The following GALNT1 variants were observed in gnomAD, a reference collection of about 807,000 sequenced individuals.
The protein encoded by GALNT1 is GalNAc transferase 1.
Under a neutral mutation model 65.7 loss-of-function variants are expected in GALNT1, and 17 were observed. That is an observed-to-expected ratio of 0.26 (90% CI 0.18 to 0.39). The LOEUF (loss-of-function observed/expected upper bound fraction) is 0.39. GALNT1 is among the 10% of genes least tolerant of loss of function. The pLI is 1.00. For synonymous variants in GALNT1, 210 were observed against 219.7 expected (o/e 0.96, Z 0.39); for missense variants, 460 against 672.8 (o/e 0.68, Z 3.50).
chr18:35,669,231 A>T (rs200554244), intron 3 of GALNT1, among the ~76,000 whole-genome samples: 41 of 152,268 alleles, frequency 2.7e-4, no homozygotes, highest in African/African-American at 8.7e-4. Flanking sequence ...ACAGAGAGAG[A>T]CCATCTCGAA....
In GALNT1 at chr18:35,620,197, A is replaced by T. The variant is rs906031759; in HGVS notation, c.-103-34363A>T. Among the ~76,000 whole-genome samples, 4 of 152,282 alleles carry T rather than the reference A, an allele frequency of 2.6e-5. No homozygotes were observed. In the South Asian group the frequency reaches 8.3e-4, roughly 32 times the overall value. ...TTCTCAGGGTTATCTCCTGGTTGCA[A>T]AGAAGGTCCTTGCAGCTCCATCCGT... is the stretch of plus-strand genomic sequence containing the variant. On this transcript the variant is annotated intron_variant, in intron 1 of 11. Coordinates refer to ENST00000269195, the MANE Select transcript of GALNT1 (RefSeq NM_020474.4).
chr18:35,693,247 A>G (rs2047997987), intron 9 of GALNT1, among the ~76,000 whole-genome samples: 1 of 152,100 alleles, frequency 6.6e-6, no homozygotes, highest in Non-Finnish European at 1.5e-5. Context: ...GGGAAAGAGT[A>G]TTCTGGGCAC....
intron 1 of GALNT1, among the ~76,000 whole-genome samples, chr18:35,640,343 A>G (rs1291232009): frequency 6.6e-6 from 1 of 150,896 alleles, no homozygotes. Flanking sequence ...CAGCAATAAA[A>G]TACCATTTCA....
intron 1 of GALNT1, among the ~76,000 whole-genome samples, chr18:35,601,730 A>G (rs1248368688): frequency 6.6e-6 from 1 of 152,192 alleles, no homozygotes; most frequent in Non-Finnish European, 1.5e-5. Flanking sequence ...GTCCTGGAGA[A>G]TGTTCCATGT....
intron 1 of GALNT1, among the ~76,000 whole-genome samples, chr18:35,589,278 A>G (rs769896988): frequency 1.8e-4 from 27 of 152,126 alleles, no homozygotes; most frequent in African/African-American, 5.8e-4. Flanking sequence ...TGGGCTCCCT[A>G]CTTGGCCTTC....
At chr18:35,676,798 G>T (rs1052804566) in intron 3 of GALNT1, among the ~76,000 whole-genome samples, 1 of 152,178 alleles carries the variant, frequency 6.6e-6, no homozygotes, top group African/African-American at 2.4e-5. Flanking sequence ...TTCTCTGATA[G>T]GCTGTTATCT....
intron 1 of GALNT1, among the ~76,000 whole-genome samples, chr18:35,636,040 ATGGAATCAATCTTTGCC>A (rs2047084618): frequency 1.3e-5 from 2 of 152,192 alleles, no homozygotes; most frequent in South Asian, 4.1e-4. Context: ...ATTCCAGGAT[ATGGAATCAATCTTTGCC>A]GCTTTATTTA....
At chr18:35,709,436 T>TTC (rs58566456) in intron 11 of GALNT1, among the ~76,000 whole-genome samples, 188 bp from the exon 12 acceptor site, 4,998 of 148,078 alleles carry the variant, frequency 0.034, 151 homozygotes, top group African/African-American at 0.085. Context: ...ATCTACCTAC[T>TTC]TCTCTCTCTC....
intron 1 of GALNT1, among the ~76,000 whole-genome samples, chr18:35,638,725 T>TC (rs373134101): frequency 2.6e-5 from 4 of 152,164 alleles, no homozygotes; most frequent in African/African-American, 9.7e-5. Flanking sequence ...TACACATAGC[T>TC]CCCATAGACA....
At chr18:35,664,601 T>G (rs1039388577) in intron 3 of GALNT1, 1 of 152,234 alleles carries the variant, frequency 6.6e-6, no homozygotes, top group Non-Finnish European at 1.5e-5. Context: ...TTATATAGCA[T>G]TAGCATGTGC....
intron 1 of GALNT1, among the ~76,000 whole-genome samples, chr18:35,651,053 A>G: frequency 6.6e-6 from 1 of 152,328 alleles, no homozygotes; most frequent in African/African-American, 2.4e-5. Context: ...ATAAATGTCC[A>G]TGAAATCTTC....
chr18:35,707,552 C>G (rs1173032155), intron 11 of GALNT1, among the ~76,000 whole-genome samples: 1 of 152,206 alleles, frequency 6.6e-6, no homozygotes, highest in African/African-American at 2.4e-5. Flanking sequence ...GCTCACCTTC[C>G]AAGTTATGGG....
chr18:35,680,182 C>T (rs940200051), intron 4 of GALNT1, among the ~76,000 whole-genome samples: 6 of 152,146 alleles, frequency 3.9e-5, no homozygotes, highest in African/African-American at 1.4e-4. Flanking sequence ...TATCTCAGGG[C>T]CTTCAATTGT....
chr18:35,619,391 C>G (rs1360597953), intron 1 of GALNT1, among the ~76,000 whole-genome samples: 4 of 152,104 alleles, frequency 2.6e-5, no homozygotes, highest in Non-Finnish European at 4.4e-5. Flanking sequence ...TCAAAAGAAC[C>G]TTCATGCTTA....
chr18:35,686,366 A>G (rs73418885), intron 5 of GALNT1, among the ~76,000 whole-genome samples: 1,967 of 152,326 alleles, frequency 0.013, 42 homozygotes, highest in African/African-American at 0.044. Context: ...TAGCATTGAT[A>G]CGGAACTGTA....
At chr18:35,704,077 T>G (rs988433657) in intron 11 of GALNT1, among the ~76,000 whole-genome samples, 1 of 152,216 alleles carries the variant, frequency 6.6e-6, no homozygotes, top group African/African-American at 2.4e-5. Context: ...TCTTTCCTTT[T>G]GTCTGGAACC....
chr18:35,692,336 A>G lies in GALNT1; in HGVS notation c.1299+16A>G. ...ATTGGGAGAGGTAAGAAATATATAT[A>G]TATATATTCTATGTGGTTATTATGT... On this transcript the variant is annotated intron_variant, in intron 9 of 11. Transcript: ENST00000269195. 2 of 1,441,010 alleles carry G rather than the reference A, an allele frequency of 1.4e-6. No individual in the cohort carries two copies. Among genetic ancestry groups the G allele is most frequent in the Non-Finnish European group, 1.9e-6 (2 of 1,067,474 alleles). 89.3% of individuals were successfully genotyped at this position (1,441,010 alleles called of 1,614,324 possible).
intron 1 of GALNT1, among the ~76,000 whole-genome samples, chr18:35,627,657 A>G (rs2046936225): frequency 6.6e-6 from 1 of 152,162 alleles, no homozygotes; most frequent in South Asian, 2.1e-4. Flanking sequence ...GCGACACAGA[A>G]GACGGGTGAT....
intron 1 of GALNT1, among the ~76,000 whole-genome samples, chr18:35,625,449 G>A (rs2046904764): frequency 6.6e-6 from 1 of 152,186 alleles, no homozygotes; most frequent in Non-Finnish European, 1.5e-5. Flanking sequence ...AGATGGCTAA[G>A]ATATCAAGTA....
Sources: gnomAD v4.1 joint callset for allele counts (sites outside exome capture counted in the v4.1 genomes callset) on GRCh38, gnomAD v4.1.1 for gene constraint, MANE v1.5 for transcripts, NCBI Gene and HGNC (gene_info 2026-07-23, HGNC 2026-07-21) for gene names.